GRHL1: variants seen among roughly 807,000 people sequenced by gnomAD.
The protein encoded by GRHL1 is grainyhead like transcription factor 1.
GRHL1 carries 38 observed loss-of-function variants against 75.7 expected under a neutral mutation model. That is an observed-to-expected ratio of 0.50 (90% CI 0.39 to 0.66). The LOEUF (loss-of-function observed/expected upper bound fraction) is 0.66. Among genes scored for constraint, GRHL1 ranks in the 30% least tolerant of loss-of-function variants. The pLI is 0.00. For missense variants in GRHL1, 589 were observed against 767.5 expected (o/e 0.77, Z 2.75); for synonymous variants, 266 against 279.4 (o/e 0.95, Z 0.48).
At chr2:9,952,722 G>T (rs980371328) in intron 1 of GRHL1, among the ~76,000 whole-genome samples, 3 of 152,180 alleles carry the variant, frequency 2.0e-5, no homozygotes, top group Non-Finnish European at 4.4e-5. Flanking sequence ...ACTTACTAAA[G>T]AAAAAACAGG....
At chr2:9,997,085 A>G (rs1269987704) in intron 14 of GRHL1, among the ~76,000 whole-genome samples, 2 of 152,110 alleles carry the variant, frequency 1.3e-5, no homozygotes, top group Admixed American at 1.3e-4. Context: ...GTGTGTCCAT[A>G]ATTGGGCTAA....
intron 8 of GRHL1, among the ~76,000 whole-genome samples, chr2:9,972,419 A>C (rs1667765216): frequency 6.6e-6 from 1 of 152,012 alleles, no homozygotes; most frequent in African/African-American, 2.4e-5. Context: ...ACCTGCCATT[A>C]TTAGTAGTAA....
At chr2:9,956,965 G>T (rs16867253) in intron 2 of GRHL1, among the ~76,000 whole-genome samples, 8,343 of 150,418 alleles carry the variant, frequency 0.055, 517 homozygotes, top group African/African-American at 0.15. Flanking sequence ...CAGACTTCTT[G>T]TGATAGGTGT....
chr2:9,983,133 T>G (rs1260561565), intron 8 of GRHL1, among the ~76,000 whole-genome samples: 2 of 152,192 alleles, frequency 1.3e-5, no homozygotes, highest in Non-Finnish European at 2.9e-5. Flanking sequence ...TCATCTGTGT[T>G]CTTACCTGGG....
chr2:9,969,170 T>C (rs1667609196), intron 8 of GRHL1, among the ~76,000 whole-genome samples: 1 of 152,198 alleles, frequency 6.6e-6, no homozygotes, highest in African/African-American at 2.4e-5. Context: ...TGCTGAGTGA[T>C]AAGAAGCAAG....
chr2:9,965,388 GGT>G lies in GRHL1; in HGVS notation c.1110+9_1110+10del. On this transcript the variant is annotated splice_region_variant and intron_variant, in intron 8 of 15. Coordinates refer to ENST00000324907, the MANE Select transcript of GRHL1 (RefSeq NM_198182.3). The stretch of plus-strand genomic sequence containing the variant: ...CATCAACGATGAAGCAAAGGTGGGT[GGT>G]GAGGTCTGGGCGCCTTATGTCCAGC... 1 of 1,531,260 alleles carries G rather than the reference GGT, an allele frequency of 6.5e-7. No individual in the cohort carries two copies. The highest frequency in any genetic ancestry group is 9.1e-7 in the Non-Finnish European group (1 of 1,104,566). 94.9% of individuals were successfully genotyped at this position (1,531,260 alleles called of 1,614,324 possible).
chr2:9,954,763 G>C, intron 1 of GRHL1, 152 bp from the exon 2 acceptor site: 1 of 712,122 alleles, frequency 1.4e-6, no homozygotes, highest in East Asian at 2.7e-5. Context: ...CTGCACTTAC[G>C]TGGTTTGTCT....
intron 1 of GRHL1, 117 bp from the exon 2 acceptor site, chr2:9,954,798 C>T (rs1666940503): frequency 2.3e-6 from 2 of 884,458 alleles, no homozygotes; most frequent in Non-Finnish European, 3.7e-6. Context: ...AATTTGACTT[C>T]CTAGGGTCAT....
intron 8 of GRHL1, among the ~76,000 whole-genome samples, chr2:9,974,689 T>C (rs1333879073): frequency 6.6e-6 from 1 of 152,246 alleles, no homozygotes; most frequent in Non-Finnish European, 1.5e-5. Flanking sequence ...TCCAGGAAAT[T>C]CTATGCAAGG....
At chr2:9,989,877 A>C (rs1430843180) in intron 9 of GRHL1, among the ~76,000 whole-genome samples, 1 of 152,036 alleles carries the variant, frequency 6.6e-6, no homozygotes, top group Admixed American at 6.5e-5. Context: ...GTGATGATGC[A>C]TATTTCTAGT....
chr2:9,975,611 C>T (rs1261250605), intron 8 of GRHL1, among the ~76,000 whole-genome samples: 1 of 152,072 alleles, frequency 6.6e-6, no homozygotes, highest in African/African-American at 2.4e-5. Flanking sequence ...GGCGCGGTGG[C>T]TCTTGCCGGT....
chr2:9,971,180 C>A (rs1667707649), intron 8 of GRHL1, among the ~76,000 whole-genome samples: 1 of 152,020 alleles, frequency 6.6e-6, no homozygotes, highest in Non-Finnish European at 1.5e-5. Context: ...TTGGACTGAA[C>A]ATATTGCTTG....
rs1668453704 is a variant in GRHL1, at chr2:9,987,080, A to G, written c.1269+798A>G. On this transcript the variant is annotated intron_variant, in intron 9 of 15. Coordinates refer to ENST00000324907, the MANE Select transcript of GRHL1 (RefSeq NM_198182.3). The surrounding 1 kb of genome is among the most constrained non-coding windows in gnomAD (Gnocchi z 4.2). ...TGCAGCCTCTGCTTCCCGGGTTCAA[A>G]TGATTCTTGTGCCTCAGCCTCTCCA... Among the ~76,000 whole-genome samples the G allele has an allele frequency of 6.6e-6, 1 of 151,704 alleles. No homozygotes were observed. Among genetic ancestry groups the G allele is most frequent in the African/African-American group, 2.4e-5 (1 of 41,240 alleles).
chr2:9,998,413 A>G lies in GRHL1; in HGVS notation c.1678-552A>G, dbSNP rs116722999. Among the ~76,000 whole-genome samples the G allele has an allele frequency of 7.0e-3, 685 of 97,334 alleles. 19 individuals are homozygous for G. The highest frequency in any genetic ancestry group is 0.031 in the African/African-American group (642 of 20,484). The allele number at this position is 97,334 out of a possible 152,430, so 63.9% of individuals were successfully genotyped here. The stretch of plus-strand genomic sequence containing the variant: ...TGCGTTTTTGAAAAACAAAAAGTCG[A>G]GTGACTATGCATGTGTGTGTGTGTG... On this transcript the variant is annotated intron_variant, in intron 14 of 15. Transcript: ENST00000324907.
rs528790803 is a variant in GRHL1 at position 9,961,511 on chromosome 2, T to C, written c.669+75T>C. The C allele has an allele frequency of 1.6e-4, 222 of 1,390,588 alleles. 2 individuals carry two copies. The Middle Eastern group carries it at 2.0e-3, about 12-fold the overall frequency. 86.1% of individuals were successfully genotyped at this position (1,390,588 alleles called of 1,614,324 possible). A position where few individuals can be genotyped will look rare whatever the true frequency, so the allele number is the denominator to read the frequency against. Reference sequence around the variant, plus strand: ...ATTGGGTTCCACCTTTTCCTTGTTATGTAAGCATGAAACTCAGCCTGAAAT... The same window carrying C: ...ATTGGGTTCCACCTTTTCCTTGTTACGTAAGCATGAAACTCAGCCTGAAAT... On this transcript the variant is annotated intron_variant, in intron 4 of 15. Transcript: ENST00000324907.
chr2:9,954,886 T>C, intron 1 of GRHL1, 29 bp from the exon 2 acceptor site: 1 of 1,579,292 alleles, frequency 6.3e-7, no homozygotes, highest in Non-Finnish European at 8.7e-7. Context: ...AAAGTGTGTG[T>C]TTTTGTTTTT....
chr2:9,958,918 C>T, intron 3 of GRHL1, 62 bp downstream of exon 3: 2 of 1,586,728 alleles, frequency 1.3e-6, no homozygotes, highest in African/African-American at 1.3e-5. Flanking sequence ...TCTGTAACAG[C>T]AAAATGGGAG....
chr2:9,983,202 T>C (rs777205548), intron 8 of GRHL1, among the ~76,000 whole-genome samples: 2 of 141,588 alleles, frequency 1.4e-5, no homozygotes, highest in Non-Finnish European at 3.1e-5. Context: ...TTTGGCATCT[T>C]CGGCCCACTG....
chr2:9,956,722 C>A (rs1279230153), intron 2 of GRHL1, among the ~76,000 whole-genome samples: 1 of 152,198 alleles, frequency 6.6e-6, no homozygotes, highest in African/African-American at 2.4e-5. Flanking sequence ...TATTATATAT[C>A]TGTTCTTATA....
Sources: allele counts gnomAD v4.1 joint callset (sites outside exome capture counted in the v4.1 genomes callset), GRCh38; gene constraint gnomAD v4.1.1; non-coding constraint Gnocchi (gnomAD v3.1); transcripts MANE v1.5; gene names NCBI Gene and HGNC (gene_info 2026-07-23, HGNC 2026-07-21).